ATG4D: variants seen among roughly 807,000 people sequenced by gnomAD.
The protein encoded by ATG4D is cysteine protease ATG4D.
ATG4D carries 51 observed loss-of-function variants against 55.2 expected under a neutral mutation model. The observed-to-expected ratio is 0.92, with a 90% CI of 0.74 to 1.17. ATG4D has a LOEUF of 1.17. ATG4D is among the 50% of genes most tolerant of loss of function. The pLI, the probability that ATG4D is intolerant of heterozygous loss-of-function variation, is 0.00. For missense variants in ATG4D, 635 were observed against 649.6 expected (o/e 0.98, Z 0.25); for synonymous variants, 268 against 266.2 (o/e 1.01, Z -0.07).
At chr19:10,547,312 C>T (rs1916070244) in intron 5 of ATG4D, 59 bp downstream of exon 5, 11 of 1,576,734 alleles carry the variant, frequency 7.0e-6, no homozygotes, top group Non-Finnish European at 9.5e-6. Context: ...TCTGCCTTAC[C>T]CGATTCTTAG....
rs755043990 is a variant in ATG4D, at chr19:10,552,224, C to G, written c.1142C>G (p.Pro381Arg). The G allele has an allele frequency of 1.9e-6, 3 of 1,613,024 alleles. No individual in the cohort carries two copies. In the African/African-American group the frequency reaches 4.0e-5, roughly 22 times the overall value. ...FPLESFHCTS[P>R]RKMAFAKMDP... ...CCCCAGTCCTTCCACTGCACCTCGC[C>G]CCGCAAGATGGCCTTTGCCAAGATG... Residue 381 changes from proline to arginine, a missense_variant, in exon 9 of 10, where the codon CCC (proline) becomes CGC (arginine). Pro to Arg is a moderately radical substitution (Grantham distance 103). Coordinates refer to ENST00000309469, the MANE Select transcript of ATG4D (RefSeq NM_032885.6).
At position 10,547,229 on chromosome 19, in the gene ATG4D, G is replaced by A. The variant is rs1210181581; in HGVS notation, c.811G>A (p.Val271Met). 2 of 1,613,864 alleles carry A rather than the reference G, an allele frequency of 1.2e-6. No homozygotes were observed. Among genetic ancestry groups the A allele is most frequent in the Admixed American group, 1.7e-5 (1 of 59,996 alleles). The change falls in exon 5 of 10, where the codon GTG becomes ATG. Residue 271 changes from valine to methionine, a missense_variant. Val to Met is a conservative substitution (Grantham distance 21). Transcript: ENST00000309469. Reference sequence around the variant, plus strand: ...CTGCTCCGACGTCACCCGCCTGGTGGTGTACGTTTCTCAGGACTGCACAGG... The same window carrying A: ...CTGCTCCGACGTCACCCGCCTGGTGATGTACGTTTCTCAGGACTGCACAGG... Reference protein sequence around the residue: ...ESCSDVTRLVVYVSQDCTVYK... With the variant: ...ESCSDVTRLVMYVSQDCTVYK...
rs1916282904 is a variant in ATG4D at position 10,552,203 on chromosome 19, A to C, written c.1123-2A>C. The C allele has an allele frequency of 6.2e-7, 1 of 1,612,168 alleles. No individual in the cohort carries two copies. The highest frequency in any genetic ancestry group is 8.5e-7 in the Non-Finnish European group (1 of 1,179,966). On this transcript the variant is annotated splice_acceptor_variant, in intron 8 of 9. Coordinates refer to ENST00000309469, the MANE Select transcript of ATG4D (RefSeq NM_032885.6). LOFTEE classifies it high-confidence loss of function. ...TGAGCCTTCCTCGTCTGTCTGCCCC[A>C]GTCCTTCCACTGCACCTCGCCCCGC...
At chr19:10,547,702 G>A (rs1384846124) in intron 5 of ATG4D, among the ~76,000 whole-genome samples, 1 of 150,450 alleles carries the variant, frequency 6.6e-6, no homozygotes, top group Non-Finnish European at 1.5e-5. Context: ...GGAGGCCAAG[G>A]TGGGTGGATC....
At chr19:10,551,697 C>CAAAAAAAAAA (rs35373422) in intron 6 of ATG4D, among the ~76,000 whole-genome samples, 200 bp from the exon 7 acceptor site, 1 of 93,046 alleles carries the variant, frequency 1.1e-5, no homozygotes, top group Non-Finnish European at 2.1e-5. Flanking sequence ...GACTCCGTCT[C>CAAAAAAAAAA]AAAAAAAAAA....
rs746423145 is a variant in ATG4D, at chr19:10,552,058, G to T, written c.1059G>T (p.Leu353=). 1 of 1,610,656 alleles carries T rather than the reference G, an allele frequency of 6.2e-7. No homozygotes were observed. Among genetic ancestry groups the T allele is most frequent in the Non-Finnish European group, 8.5e-7 (1 of 1,179,736 alleles). Residue 353 remains leucine, a synonymous_variant, in exon 8 of 10, where the codon CTG becomes CTT. Transcript: ENST00000309469. ...CACCCCCTGCAGATGACTTCCTGCT[G>T]TACCTGGACCCTCACTACTGCCAGC... ...YFIGYQDDFL[L]YLDPHYCQPT... is the part of the protein sequence containing the mutation.
At chr19:10,545,473 G>C (rs1166917990) in intron 3 of ATG4D, among the ~76,000 whole-genome samples, 1 of 151,964 alleles carries the variant, frequency 6.6e-6, no homozygotes, top group African/African-American at 2.4e-5. Flanking sequence ...TCCCGAGGCT[G>C]AGGTGGGAGA....
At position 10,544,340 on chromosome 19, in the gene ATG4D, C is replaced by T. The variant is rs749320015; in HGVS notation, c.235+15C>T. On this transcript the variant is annotated intron_variant, in intron 1 of 9. Transcript: ENST00000309469. Reference sequence around the variant, plus strand: ...CGTCAAGTACGGTGAGGAGGGGGCCCGGAGATCGTGGGGGTGTCGGGGGCC... The same window carrying T: ...CGTCAAGTACGGTGAGGAGGGGGCCTGGAGATCGTGGGGGTGTCGGGGGCC... 2.7e-5 allele frequency: 36 copies of T among 1,312,272 alleles called. No homozygotes were observed. The highest frequency in any genetic ancestry group is 1.3e-4 in the Admixed American group (4 of 31,572). 81.3% of individuals were successfully genotyped at this position (1,312,272 alleles called of 1,614,324 possible).
In ATG4D at chr19:10,546,952, G is replaced by A; in HGVS notation, c.607G>A (p.Ala203Thr). 1.2e-6 allele frequency: 2 copies of A among 1,611,358 alleles called. No homozygotes were observed. Among genetic ancestry groups the A allele is most frequent in the Non-Finnish European group, 8.5e-7 (1 of 1,179,182 alleles). Residue 203 changes from alanine (A) to threonine (T), a missense_variant, in exon 4 of 10, where the codon GCC becomes ACC. Coordinates refer to ENST00000309469, the MANE Select transcript of ATG4D (RefSeq NM_032885.6). ...GATGCCCCCACGCTGGGCCCAGGGTGCCCCTGAGCTGGAGCAGGAACGCCG... is the reference window on the plus strand; with the variant it reads ...GATGCCCCCACGCTGGGCCCAGGGTACCCCTGAGCTGGAGCAGGAACGCCG... Reference protein sequence around the residue: ...RWMPPRWAQGAPELEQERRHR... With the variant: ...RWMPPRWAQGTPELEQERRHR...
At chr19:10,546,497 C>T (rs1916033107) in intron 3 of ATG4D, among the ~76,000 whole-genome samples, 1 of 151,374 alleles carries the variant, frequency 6.6e-6, no homozygotes, top group Admixed American at 6.6e-5. Context: ...AGGTGCCCGC[C>T]ACCACGCTTG....
chr19:10,552,918 C>G lies in ATG4D; in HGVS notation c.1276C>G (p.Pro426Ala). 6.2e-7 allele frequency: 1 copy of G among 1,613,226 alleles called. No homozygotes were observed. Among genetic ancestry groups the G allele is most frequent in the Admixed American group, 1.7e-5 (1 of 60,006 alleles). ...CTCCTCCTCAGCCACAGAGCGGTAC[C>G]CCATGTTCACCCTGGCCGAGGGCCA... ...LSSSSATERY[P>A]MFTLAEGHAQ... The change falls in exon 10 of 10, where the codon CCC becomes GCC. Residue 426 changes from proline (P) to alanine (A), a missense_variant. By Grantham distance (27) the Pro-to-Ala change is conservative. Coordinates refer to ENST00000309469, the MANE Select transcript of ATG4D (RefSeq NM_032885.6).
At position 10,552,091 on chromosome 19, in the gene ATG4D, G is replaced by T; in HGVS notation, c.1092G>T (p.Val364=). 6.2e-7 allele frequency: 1 copy of T among 1,611,532 alleles called. No individual in the cohort carries two copies. The change falls in exon 8 of 10, where the codon GTG becomes GTT. Residue 364 remains valine, a synonymous_variant. Transcript: ENST00000309469. ...ACCCTCACTACTGCCAGCCCACTGT[G>T]GATGTCAGCCAGGCCGACTTCCCCC... ...YLDPHYCQPT[V]DVSQADFPLE...
rs199919816 is a variant in ATG4D, at chr19:10,547,221, G to A, written c.803G>A (p.Arg268His). 12 of 1,613,922 alleles carry A rather than the reference G, an allele frequency of 7.4e-6. No individual in the cohort carries two copies. Among genetic ancestry groups the A allele is most frequent in the African/African-American group, 6.7e-5 (5 of 75,050 alleles). ...KAVESCSDVT[R>H]LVVYVSQDCT... is the part of the protein sequence containing the mutation. ...GTGGAGAGCTGCTCCGACGTCACCC[G>A]CCTGGTGGTGTACGTTTCTCAGGAC... is the stretch of plus-strand genomic sequence containing the variant. The change falls in exon 5 of 10, where the codon CGC (arginine) becomes CAC (histidine). Residue 268 changes from arginine (R) to histidine (H), a missense_variant. Coordinates refer to ENST00000309469, the MANE Select transcript of ATG4D (RefSeq NM_032885.6).
At position 10,544,944 on chromosome 19, in the gene ATG4D, C is replaced by A; in HGVS notation, c.320-13C>A. On this transcript the variant is annotated splice_polypyrimidine_tract_variant and intron_variant, in intron 2 of 9. Transcript: ENST00000309469. Reference sequence around the variant, plus strand: ...AGTGTCCCTGGTGGCAGCTGACAGACCCGCTCTTGTAGGTGACATACAGCG... The same window carrying A: ...AGTGTCCCTGGTGGCAGCTGACAGAACCGCTCTTGTAGGTGACATACAGCG... 6.3e-7 allele frequency: 1 copy of A among 1,582,524 alleles called. No individual in the cohort carries two copies. The highest frequency in any genetic ancestry group is 8.6e-7 in the Non-Finnish European group (1 of 1,162,038).
At chr19:10,548,462 C>T (rs1916120758) in intron 5 of ATG4D, among the ~76,000 whole-genome samples, 1 of 152,108 alleles carries the variant, frequency 6.6e-6, no homozygotes, top group Non-Finnish European at 1.5e-5. Flanking sequence ...AGCTGCAAGG[C>T]AGGGGGCAGG....
At chr19:10,548,871 A>G (rs769186893) in intron 5 of ATG4D, 33 bp from the exon 6 acceptor site, 3 of 1,606,672 alleles carry the variant, frequency 1.9e-6, no homozygotes, top group South Asian at 1.1e-5. Flanking sequence ...AAGGGTGGCA[A>G]GAAGGTGACC....
chr19:10,544,256 C>T lies in ATG4D; in HGVS notation c.166C>T (p.Pro56Ser). The T allele has an allele frequency of 3.2e-6, 4 of 1,266,526 alleles. No homozygotes were observed. The highest frequency in any genetic ancestry group is 4.0e-6 in the Non-Finnish European group (4 of 998,006). 78.5% of individuals were successfully genotyped at this position (1,266,526 alleles called of 1,614,324 possible). ...GPALGSPGAG[P>S]SEPDEVDKFK... ...CGCTCTTGGCTCTCCCGGGGCTGGCCCGAGTGAGCCGGACGAAGTGGACAA... is the reference window on the plus strand; with the variant it reads ...CGCTCTTGGCTCTCCCGGGGCTGGCTCGAGTGAGCCGGACGAAGTGGACAA... Residue 56 changes from proline (P) to serine (S), a missense_variant, in exon 1 of 10, where the codon CCG (proline) becomes TCG (serine). By Grantham distance (74) the Pro-to-Ser change is moderately conservative. Coordinates refer to ENST00000309469, the MANE Select transcript of ATG4D (RefSeq NM_032885.6).
At chr19:10,550,697 G>A (rs539248115) in intron 6 of ATG4D, among the ~76,000 whole-genome samples, 2 of 145,698 alleles carry the variant, frequency 1.4e-5, no homozygotes, top group Non-Finnish European at 3.0e-5. Context: ...TTTCAGCAGT[G>A]ATGCATGTGG....
chr19:10,551,865 C>T (rs1178256189), intron 6 of ATG4D, 32 bp from the exon 7 acceptor site: 1 of 1,610,928 alleles, frequency 6.2e-7, no homozygotes, highest in Non-Finnish European at 8.5e-7. Context: ...GAGTGGCTGC[C>T]TGACAGCACC....
Sources: allele counts gnomAD v4.1 joint callset (sites outside exome capture counted in the v4.1 genomes callset), GRCh38; gene constraint gnomAD v4.1.1; transcripts MANE v1.5; gene names NCBI Gene and HGNC (gene_info 2026-07-23, HGNC 2026-07-21).